The following PPFIBP2 variants were observed in gnomAD, a reference collection of about 807,000 sequenced individuals.
PPFIBP2 encodes PPFIB scaffold protein 2.
In PPFIBP2, 118 loss-of-function variants were observed where a neutral mutation model predicts 118.3. The observed-to-expected ratio is 1.00, with a 90% confidence interval of 0.86 to 1.16. The LOEUF (loss-of-function observed/expected upper bound fraction) is 1.16. PPFIBP2 is among the 50% of genes most tolerant of loss of function. PPFIBP2 has a pLI of 0.00. For synonymous variants in PPFIBP2, 414 were observed against 397.4 expected, an observed-to-expected ratio of 1.04 and a Z score of -0.50; for missense variants, 1,195 against 1,073.1, an observed-to-expected ratio of 1.11 and a Z score of -1.59.
intron 10 of PPFIBP2, among the ~76,000 whole-genome samples, chr11:7,630,302 C>CA (rs1287282607): frequency 3.9e-5 from 6 of 152,226 alleles, no homozygotes; most frequent in Non-Finnish European, 8.8e-5. Context: ...CCAGCCCTCA[C>CA]ACACAGCCCT....
chr11:7,654,736 C>T (rs1372009270), downstream of PPFIBP2, among the ~76,000 whole-genome samples: 5 of 152,312 alleles, frequency 3.3e-5, no homozygotes, highest in African/African-American at 1.2e-4. Context: ...TCTTATGTTG[C>T]GGTACAGGGA....
At chr11:7,535,264 G>T (rs1851093705) in intron 1 of PPFIBP2, among the ~76,000 whole-genome samples, 1 of 152,222 alleles carries the variant, frequency 6.6e-6, no homozygotes, top group African/African-American at 2.4e-5. Flanking sequence ...GAGAAAACTT[G>T]CCTGAGCATT....
chr11:7,571,513 A>G (rs1444280298), intron 3 of PPFIBP2, among the ~76,000 whole-genome samples: 1 of 152,238 alleles, frequency 6.6e-6, no homozygotes, highest in East Asian at 1.9e-4. Flanking sequence ...TATCTCCAGA[A>G]TGGAAAACAA....
intron 17 of PPFIBP2, among the ~76,000 whole-genome samples, chr11:7,646,708 A>G (rs11605782): frequency 0.19 from 28,581 of 152,116 alleles, 3,662 homozygotes; most frequent in African/African-American, 0.37. Context: ...CTGGGCAGCA[A>G]AGCCAGACCC....
intron 3 of PPFIBP2, among the ~76,000 whole-genome samples, chr11:7,581,613 A>G (rs895254390): frequency 1.3e-5 from 2 of 151,826 alleles, no homozygotes; most frequent in African/African-American, 4.8e-5. Context: ...CACTCCAGAC[A>G]CTGACTTGCC....
chr11:7,534,532 A>G (rs1340029001), intron 1 of PPFIBP2, among the ~76,000 whole-genome samples: 1 of 152,122 alleles, frequency 6.6e-6, no homozygotes, highest in East Asian at 1.9e-4. Flanking sequence ...TCTTTGCTGT[A>G]AGAAGGAAAA....
chr11:7,580,840 G>A (rs1166687598), intron 3 of PPFIBP2, among the ~76,000 whole-genome samples: 1 of 152,186 alleles, frequency 6.6e-6, no homozygotes, highest in African/African-American at 2.4e-5. Context: ...TCAATAACAT[G>A]CTTGCTATTA....
At chr11:7,639,576 T>C (rs1851864480) in intron 14 of PPFIBP2, among the ~76,000 whole-genome samples, 156 bp from the exon 15 acceptor site, 1 of 152,222 alleles carries the variant, frequency 6.6e-6, no homozygotes, top group African/African-American at 2.4e-5. Context: ...TCTGGTCCCC[T>C]TTCTCGGACT....
the PPFIBP2 span, chr11:7,665,571 AAG>A: frequency 4.7e-5 from 74 of 1,577,576 alleles, no homozygotes; most frequent in Non-Finnish European, 5.5e-5. Context: ...ATGCAGGAGC[AAG>A]CTGAGCGATG....
At chr11:7,570,656 A>AT (rs758695777) in intron 3 of PPFIBP2, among the ~76,000 whole-genome samples, 8 of 152,160 alleles carry the variant, frequency 5.3e-5, no homozygotes, top group Non-Finnish European at 1.0e-4. Context: ...TGGCCATCCA[A>AT]TAGGAACCCA....
intron 14 of PPFIBP2, among the ~76,000 whole-genome samples, chr11:7,637,980 G>A (rs538016022): frequency 1.3e-5 from 2 of 152,278 alleles, no homozygotes; most frequent in South Asian, 2.1e-4. Flanking sequence ...GATGCAACCA[G>A]AAACACGTTT....
At chr11:7,558,592 A>T (rs1376161784) in intron 2 of PPFIBP2, among the ~76,000 whole-genome samples, 2 of 151,844 alleles carry the variant, frequency 1.3e-5, no homozygotes, top group Non-Finnish European at 2.9e-5. Flanking sequence ...CGTCTCTACT[A>T]AAAAAATACA....
At chr11:7,515,454 GA>G (rs1296971659) in intron 1 of PPFIBP2, among the ~76,000 whole-genome samples, 6 of 152,184 alleles carry the variant, frequency 3.9e-5, no homozygotes, top group Non-Finnish European at 5.9e-5. Flanking sequence ...AAGGCGGTAG[GA>G]ACAAAGTTAT....
intron 2 of PPFIBP2, among the ~76,000 whole-genome samples, chr11:7,556,208 C>A (rs1279709562): frequency 5.3e-5 from 8 of 152,332 alleles, no homozygotes; most frequent in African/African-American, 1.9e-4. Flanking sequence ...GTAATCCCAG[C>A]ACTTTGGGAG....
chr11:7,597,202 C>T, intron 4 of PPFIBP2: 2 of 1,485,910 alleles, frequency 1.3e-6, no homozygotes, highest in South Asian at 1.3e-5. Context: ...GAAGTGCTGG[C>T]AAGCCAGCTG....
At chr11:7,576,645 A>C (rs1249620498) in intron 3 of PPFIBP2, 2 of 152,386 alleles carry the variant, frequency 1.3e-5, no homozygotes. Flanking sequence ...AGAGTGGGGG[A>C]CAGCCAGAGA....
chr11:7,528,702 C>T (rs1029921853), intron 1 of PPFIBP2, among the ~76,000 whole-genome samples: 3 of 152,202 alleles, frequency 2.0e-5, no homozygotes, highest in African/African-American at 7.2e-5. Context: ...TTGCTGAGAG[C>T]CTGCCCATGC....
intron 4 of PPFIBP2, among the ~76,000 whole-genome samples, chr11:7,595,456 T>A (rs1860108417): frequency 6.6e-6 from 1 of 152,248 alleles, no homozygotes; most frequent in Non-Finnish European, 1.5e-5. Flanking sequence ...TTCAAAGTCC[T>A]GTGTAATAAT....
rs556654085 is a variant in PPFIBP2 at position 7,650,664 on chromosome 11, T to C, written c.2122-176T>C. ...CTTCAAAGATTCAGTGGGAGCTCTA[T>C]TTCCTAGAAACTGGGGAGGCTGGTG... On this transcript the variant is annotated intron_variant, in intron 21 of 23. Transcript: ENST00000299492. 792 of 511,476 alleles carry C rather than the reference T, an allele frequency of 1.5e-3. 22 individuals carry two copies. The South Asian group carries it at 0.036, about 23-fold the overall frequency. The allele number at this position is 511,476 out of a possible 1,614,324, so 31.7% of individuals were successfully genotyped here. A position where few individuals can be genotyped will look rare whatever the true frequency, so the allele number is the denominator to read the frequency against.
Sources: allele counts gnomAD v4.1 joint callset (sites outside exome capture counted in the v4.1 genomes callset), GRCh38; gene constraint gnomAD v4.1.1; transcripts MANE v1.5; gene names NCBI Gene and HGNC (gene_info 2026-07-23, HGNC 2026-07-21).